Variants in VPS37A observed in about 807,000 individuals in gnomAD.
VPS37A encodes vacuolar protein sorting-associated protein 37A.
In VPS37A, 30 loss-of-function variants were observed where a neutral mutation model predicts 49.8. The ratio of observed to expected loss-of-function variants is 0.60; its 90% confidence interval spans 0.45 to 0.82. The LOEUF (loss-of-function observed/expected upper bound fraction) is 0.82. Among genes scored for constraint, VPS37A ranks in the 40% least tolerant of loss-of-function variants. The probability of loss-of-function intolerance (pLI) is 0.00; values close to 1 mark genes in which losing one functional copy is unlikely to be tolerated. For missense variants in VPS37A, 593 were observed against 464.4 expected, an observed-to-expected ratio of 1.28 and a Z score of -2.55; for synonymous variants, 195 against 160.6, an observed-to-expected ratio of 1.21 and a Z score of -1.62.
At position 17,256,851 on chromosome 8, in the gene VPS37A, C is replaced by T. The variant is rs572774448; in HGVS notation, c.126-9056C>T. Among the ~76,000 whole-genome samples the T allele has an allele frequency of 2.6e-5, 4 of 152,140 alleles. No homozygotes were observed. In the South Asian group the frequency reaches 8.3e-4, roughly 32 times the overall value. On this transcript the variant is annotated intron_variant, in intron 1 of 11. Coordinates refer to ENST00000324849, the MANE Select transcript of VPS37A (RefSeq NM_152415.3). ...ATCTTTAGTAGAGACAGGGTTTCTC[C>T]ATGTTGGTCAGGCTGGTCTCAAACT...
chr8:17,272,002 A>G (rs1458729101), intron 4 of VPS37A: 21 of 456,620 alleles, frequency 4.6e-5, no homozygotes, highest in Admixed American at 7.0e-5. Flanking sequence ...GCCAGCTAGA[A>G]ATCAGGTGGC....
chr8:17,289,917 A>T (rs1357224277), intron 11 of VPS37A, among the ~76,000 whole-genome samples: 1 of 152,148 alleles, frequency 6.6e-6, no homozygotes, highest in Non-Finnish European at 1.5e-5. Flanking sequence ...GAGGTCCTTC[A>T]TATCCCTTGT....
chr8:17,321,667 C>G, the VPS37A span, among the ~76,000 whole-genome samples: 1 of 152,162 alleles, frequency 6.6e-6, no homozygotes, highest in Non-Finnish European at 1.5e-5. Flanking sequence ...TTTGTTCACT[C>G]TTGTTGCCAA....
chr8:17,326,960 G>A, the VPS37A span, among the ~76,000 whole-genome samples: 1 of 152,204 alleles, frequency 6.6e-6, no homozygotes, highest in African/African-American at 2.4e-5. Flanking sequence ...AATAACATCA[G>A]TCTTATCTTT....
chr8:17,308,769 A>T, the VPS37A span, among the ~76,000 whole-genome samples: 27 of 152,166 alleles, frequency 1.8e-4, no homozygotes, highest in Non-Finnish European at 5.9e-5. Flanking sequence ...CAGACGTCCA[A>T]GGCCAGACAG....
chr8:17,266,229 T>C (rs1813438267), intron 2 of VPS37A, among the ~76,000 whole-genome samples: 1 of 152,166 alleles, frequency 6.6e-6, no homozygotes, highest in Non-Finnish European at 1.5e-5. Flanking sequence ...TGTAATTGTT[T>C]TTATTGATAA....
Position 17,296,301 on chromosome 8 carries a change from A to G in VPS37A, c.*1315A>G, listed in dbSNP as rs1816626956. The G allele has an allele frequency of 6.6e-6, 1 of 152,182 alleles. No homozygotes were observed. 9.4% of individuals were successfully genotyped at this position (152,182 alleles called of 1,614,324 possible). ...TGAGATACAATGTTGGATACAGAAAATAACTTTCATTGTCTTCCTGACACT... is the reference window on the plus strand; with the variant it reads ...TGAGATACAATGTTGGATACAGAAAGTAACTTTCATTGTCTTCCTGACACT... On this transcript the variant is annotated 3_prime_UTR_variant, in exon 12 of 12. Transcript: ENST00000324849.
intron 1 of VPS37A, among the ~76,000 whole-genome samples, chr8:17,252,084 C>T (rs1292372422): frequency 1.3e-5 from 2 of 152,190 alleles, no homozygotes; most frequent in African/African-American, 4.8e-5. Context: ...TGTGTTTCAA[C>T]CCGTCGCATG....
At chr8:17,305,004 G>C (rs1021650387), downstream of VPS37A, among the ~76,000 whole-genome samples, 2 of 152,130 alleles carry the variant, frequency 1.3e-5, no homozygotes, top group African/African-American at 4.8e-5. Flanking sequence ...GATACTGTTA[G>C]AATTGGCTAG....
intron 4 of VPS37A, among the ~76,000 whole-genome samples, chr8:17,270,124 A>G (rs534739566): frequency 6.6e-6 from 1 of 152,124 alleles, no homozygotes; most frequent in South Asian, 2.1e-4. Context: ...AGAGGATGGC[A>G]TTAAAGTATT....
chr8:17,286,294 A>T, intron 10 of VPS37A, 53 bp from the exon 11 acceptor site: 1 of 1,418,946 alleles, frequency 7.0e-7, no homozygotes, highest in Non-Finnish European at 9.8e-7. Flanking sequence ...GAAGTAAAGT[A>T]GTAGGCATAT....
At chr8:17,273,728 C>G (rs923341468) in intron 4 of VPS37A, among the ~76,000 whole-genome samples, 1 of 151,648 alleles carries the variant, frequency 6.6e-6, no homozygotes, top group African/African-American at 2.4e-5. Context: ...TTTTTTCTTT[C>G]TACTGTGGCT....
chr8:17,318,697 GT>G, the VPS37A span, among the ~76,000 whole-genome samples: 1 of 152,190 alleles, frequency 6.6e-6, no homozygotes, highest in East Asian at 1.9e-4. Flanking sequence ...TATTGTGCAT[GT>G]TTGGAAGGTG....
downstream of VPS37A, chr8:17,304,550 C>A: frequency 6.2e-7 from 1 of 1,601,282 alleles, no homozygotes; most frequent in Non-Finnish European, 8.5e-7. Flanking sequence ...CTATAAATGA[C>A]CTATTTTGGT....
At chr8:17,299,810 T>C (rs897774496), downstream of VPS37A, 39 of 1,592,692 alleles carry the variant, frequency 2.4e-5, no homozygotes, top group Non-Finnish European at 3.1e-5. Flanking sequence ...GTTCCCTTGT[T>C]TTTGGAAGTG....
chr8:17,252,116 A>G (rs909870679), intron 1 of VPS37A, among the ~76,000 whole-genome samples: 1 of 152,228 alleles, frequency 6.6e-6, no homozygotes, highest in African/African-American at 2.4e-5. Context: ...TATGAAAAGC[A>G]TTTATTATCA....
the VPS37A span, chr8:17,331,364 C>G: frequency 7.3e-7 from 1 of 1,378,294 alleles, no homozygotes; most frequent in South Asian, 1.5e-5. Flanking sequence ...TCATGGATAC[C>G]CAATCAAAGC....
At chr8:17,257,841 G>A (rs1367667430) in intron 1 of VPS37A, among the ~76,000 whole-genome samples, 3 of 151,890 alleles carry the variant, frequency 2.0e-5, no homozygotes, top group Non-Finnish European at 2.9e-5. Context: ...AGTTTTCCTT[G>A]TTTAGATGTT....
intron 2 of VPS37A, among the ~76,000 whole-genome samples, chr8:17,266,378 C>G (rs1464482213): frequency 6.6e-6 from 1 of 152,156 alleles, no homozygotes; most frequent in African/African-American, 2.4e-5. Flanking sequence ...AACAGATATA[C>G]TACATCAACC....
Sources: gnomAD v4.1 joint callset for allele counts (sites outside exome capture counted in the v4.1 genomes callset) on GRCh38, gnomAD v4.1.1 for gene constraint, MANE v1.5 for transcripts, NCBI Gene and HGNC (gene_info 2026-07-23, HGNC 2026-07-21) for gene names.